SHANK2: variants seen among roughly 807,000 people sequenced by gnomAD.
SHANK2 encodes SH3 and multiple ankyrin repeat domains 2.
A neutral mutation model predicts 133.7 loss-of-function variants in SHANK2; 43 were observed. The ratio of observed to expected loss-of-function variants is 0.32; its 90% CI spans 0.25 to 0.41. The LOEUF is 0.41. SHANK2 is among the 10% of genes least tolerant of loss of function. The pLI, the probability that SHANK2 is intolerant of heterozygous loss-of-function variation, is 1.00. For synonymous variants in SHANK2, 1,017 were observed against 952.8 expected (o/e 1.07, Z -1.24); for missense variants, 1,994 against 2,235.8 (o/e 0.89, Z 2.18).
chr11:70,559,718 G>A (rs578129825), intron 17 of SHANK2, among the ~76,000 whole-genome samples: 9 of 152,166 alleles, frequency 5.9e-5, no homozygotes, highest in South Asian at 2.1e-4. Flanking sequence ...GACGTGCATC[G>A]TAACCTCTCC....
At chr11:70,605,305 T>C (rs535282857) in intron 17 of SHANK2, among the ~76,000 whole-genome samples, 11 of 152,364 alleles carry the variant, frequency 7.2e-5, no homozygotes, top group Middle Eastern at 3.4e-3. Flanking sequence ...TGAAGCCTCC[T>C]GCAGCCCAGC....
chr11:70,477,253 G>C (rs1555150323), intron 25 of SHANK2: 1 of 152,226 alleles, frequency 6.6e-6, no homozygotes, highest in Non-Finnish European at 1.5e-5. Context: ...TAATGAACAA[G>C]AAAGGAAGAA....
intron 17 of SHANK2, among the ~76,000 whole-genome samples, chr11:70,537,455 G>C (rs183197177): frequency 6.6e-6 from 1 of 152,266 alleles, no homozygotes; most frequent in Non-Finnish European, 1.5e-5. Flanking sequence ...AGCTGGGAGA[G>C]GGCATGTGGA....
At chr11:70,671,017 T>C (rs1355472131) in intron 15 of SHANK2, among the ~76,000 whole-genome samples, 1 of 152,236 alleles carries the variant, frequency 6.6e-6, no homozygotes, top group Non-Finnish European at 1.5e-5. Flanking sequence ...GCGCTTATTA[T>C]GACCATTTTC....
intron 24 of SHANK2, among the ~76,000 whole-genome samples, chr11:70,488,599 T>A (rs1384569207): frequency 6.6e-6 from 1 of 152,168 alleles, no homozygotes; most frequent in Admixed American, 6.5e-5. Flanking sequence ...GGAGCCCAGG[T>A]TCCTTTAAAG....
At chr11:70,946,774 C>T (rs1299718673) in intron 10 of SHANK2, among the ~76,000 whole-genome samples, 6 of 144,634 alleles carry the variant, frequency 4.1e-5, no homozygotes, top group African/African-American at 1.5e-4. Context: ...CCTTCCCAGG[C>T]TCAACCTCTC....
In SHANK2 at chr11:70,485,629, A is replaced by C. The variant is rs1555152970; in HGVS notation, c.4664T>G (p.Ile1555Ser). 6.2e-7 allele frequency: 1 copy of C among 1,614,016 alleles called. No individual in the cohort carries two copies. The highest frequency in any genetic ancestry group is 1.1e-5 in the South Asian group (1 of 91,056). Residue 1555 changes from isoleucine to serine, a missense_variant, in exon 25 of 26, where the codon ATC becomes AGC. This residue lies in a region of SHANK2 where 797 missense variants were observed against 907.4 expected (regional missense o/e 0.88). Transcript: ENST00000601538. This position sits in a 1 kb window ranked among gnomAD's most constrained non-coding sequence, Gnocchi z 5.8. ...ATAAAGTGCATTGCTTTTGTGAATG[A>C]TGGGCTTCATTTTTGGCTTAGGAGG... ...PVPPKPKMKP[I>S]IHKSNALYQD...
chr11:70,872,484 G>A (rs1227146285), intron 11 of SHANK2: 1 of 152,290 alleles, frequency 6.6e-6, no homozygotes, highest in Non-Finnish European at 1.5e-5. Flanking sequence ...GAGAAAAAAG[G>A]ACAAGACCCT....
Position 71,118,933 on chromosome 11 carries a change from G to A in SHANK2, c.307C>T (p.Leu103=), listed in dbSNP as rs1397823649. The change falls in exon 4 of 26, where the codon CTG becomes TTG. Residue 103 remains leucine (L), a synonymous_variant. Coordinates refer to ENST00000601538, the MANE Select transcript of SHANK2 (RefSeq NM_012309.5). ...CGCCCATTGCTGGCCGGCTGGAACA[G>A]GCCGTAGTTCAGGACATCTTTCAAA... The part of the protein sequence containing the change: ...QSLKDVLNYG[L]FQPASNGRDG... 58 of 1,551,644 alleles carry A rather than the reference G, an allele frequency of 3.7e-5. No individual in the cohort carries two copies. The highest frequency in any genetic ancestry group is 4.7e-5 in the Non-Finnish European group (54 of 1,147,012).
intron 17 of SHANK2, among the ~76,000 whole-genome samples, chr11:70,513,281 C>T (rs986090783): frequency 7.2e-5 from 11 of 151,902 alleles, no homozygotes; most frequent in Non-Finnish European, 1.6e-4. Context: ...AAAGAGAGAG[C>T]CAGAGAAGGG....
intron 3 of SHANK2, among the ~76,000 whole-genome samples, chr11:71,123,989 G>GGTGATGCTGATGATGAGGGTGGTT (rs1555102031): frequency 6.6e-6 from 1 of 151,956 alleles, no homozygotes; most frequent in African/African-American, 2.4e-5. Flanking sequence ...TGATGATGGT[G>GGTGATGCTGATGATGAGGGTGGTT]GTGATGCTGA....
At chr11:70,620,660 C>G (rs1367678423) in intron 17 of SHANK2, among the ~76,000 whole-genome samples, 1 of 152,162 alleles carries the variant, frequency 6.6e-6, no homozygotes, top group Non-Finnish European at 1.5e-5. Flanking sequence ...TATGTTGACA[C>G]ATTTGGAGAC....
intron 1 of SHANK2, among the ~76,000 whole-genome samples, chr11:71,239,256 G>A (rs782147504): frequency 3.9e-5 from 6 of 152,192 alleles, no homozygotes; most frequent in Non-Finnish European, 7.3e-5. Flanking sequence ...TTTCCCCTTC[G>A]GTGAAATGGG....
chr11:70,507,390 C>G (rs2059149377), intron 17 of SHANK2, among the ~76,000 whole-genome samples: 1 of 152,200 alleles, frequency 6.6e-6, no homozygotes, highest in Admixed American at 6.5e-5. Context: ...CCTACGGGAG[C>G]CACAGGTGAC....
intron 7 of SHANK2, among the ~76,000 whole-genome samples, chr11:71,094,005 C>T (rs926160173): frequency 1.3e-5 from 2 of 151,990 alleles, no homozygotes; most frequent in South Asian, 2.1e-4. Flanking sequence ...GAAGGTGAGG[C>T]GCGGAACCCA....
At chr11:70,776,602 G>C (rs1947369072) in intron 14 of SHANK2, among the ~76,000 whole-genome samples, 1 of 152,094 alleles carries the variant, frequency 6.6e-6, no homozygotes, top group South Asian at 2.1e-4. Context: ...TGCACAACTT[G>C]AATTGTGGTG....
chr11:70,715,286 G>A (rs574670160), intron 14 of SHANK2, among the ~76,000 whole-genome samples: 10 of 152,324 alleles, frequency 6.6e-5, no homozygotes, highest in South Asian at 2.1e-4. Context: ...TCACCCAGCC[G>A]GGAAGGGAGG....
chr11:70,616,370 T>G (rs1296608061), intron 17 of SHANK2, among the ~76,000 whole-genome samples: 2 of 151,906 alleles, frequency 1.3e-5, no homozygotes, highest in East Asian at 3.9e-4. Context: ...CTCCCCAGCC[T>G]GGGAGGGGCC....
At chr11:70,552,646 C>T (rs148334133) in intron 17 of SHANK2, among the ~76,000 whole-genome samples, 6 of 152,252 alleles carry the variant, frequency 3.9e-5, no homozygotes, top group African/African-American at 9.6e-5. Context: ...CTCTGGGGCT[C>T]GTCGCTGGGC....
Sources: gnomAD v4.1 joint callset for allele counts (sites outside exome capture counted in the v4.1 genomes callset) on GRCh38, gnomAD v4.1.1 for gene constraint, gnomAD v4.1.1 regional missense constraint, Gnocchi (gnomAD v3.1) non-coding constraint, MANE v1.5 for transcripts, NCBI Gene and HGNC (gene_info 2026-07-23, HGNC 2026-07-21) for gene names.